LIPA: variants seen among roughly 807,000 people sequenced by gnomAD.
LIPA encodes the protein lysosomal acid lipase/cholesteryl ester hydrolase.
Under a neutral mutation model 40.6 loss-of-function variants are expected in LIPA, and 26 were observed. That is an observed-to-expected ratio of 0.64 (90% CI 0.47 to 0.89). LIPA has a LOEUF of 0.89. Ranked by LOEUF, LIPA falls within the 40% of genes least tolerant of loss-of-function variation. The probability of loss-of-function intolerance (pLI) is 0.00; values close to 1 mark genes in which losing one functional copy is unlikely to be tolerated. For missense variants in LIPA, 455 were observed against 479.6 expected (o/e 0.95, Z 0.48); for synonymous variants, 188 against 168.4 (o/e 1.12, Z -0.90).
chr10:89,280,003 C>T (rs1249634901), intron 1 of LIPA, among the ~76,000 whole-genome samples: 1 of 151,974 alleles, frequency 6.6e-6, no homozygotes, highest in Non-Finnish European at 1.5e-5. Flanking sequence ...CTGAAAATGA[C>T]TTAAATGTCC....
At chr10:89,314,973 T>C (rs1237021456) in intron 1 of LIPA, among the ~76,000 whole-genome samples, 1 of 152,162 alleles carries the variant, frequency 6.6e-6, no homozygotes, top group Non-Finnish European at 1.5e-5. Flanking sequence ...AAAAATCAGC[T>C]CCCTCACAAT....
At chr10:89,328,932 T>C (rs1430392953) in intron 1 of LIPA, among the ~76,000 whole-genome samples, 3 of 152,188 alleles carry the variant, frequency 2.0e-5, no homozygotes, top group Non-Finnish European at 4.4e-5. Flanking sequence ...TGGCTACATA[T>C]GCATAAACAT....
At chr10:89,222,829 C>A (rs968519440) in intron 7 of LIPA, among the ~76,000 whole-genome samples, 56 of 152,278 alleles carry the variant, frequency 3.7e-4, no homozygotes, top group African/African-American at 1.3e-3. Flanking sequence ...GTTTCGTTTA[C>A]AGGGCATTTT....
At chr10:89,255,818 G>A (rs1207593323), upstream of LIPA, among the ~76,000 whole-genome samples, 1 of 152,184 alleles carries the variant, frequency 6.6e-6, no homozygotes, top group Non-Finnish European at 1.5e-5. Flanking sequence ...GTCAACTCAG[G>A]CCATGTCAGG....
At chr10:89,394,603 TATATATATATATATATATATATATAA>T (rs879499044) in intron 2 of LIPA, among the ~76,000 whole-genome samples, 5,520 of 57,472 alleles carry the variant, frequency 0.096, 311 homozygotes, top group East Asian at 0.23. Context: ...TATATATATA[TATATATATATATATATATATATATAA>T]AACTTGAATT....
chr10:89,309,963 G>T (rs138447995), intron 1 of LIPA, among the ~76,000 whole-genome samples: 1 of 152,104 alleles, frequency 6.6e-6, no homozygotes, highest in Non-Finnish European at 1.5e-5. Context: ...TCATGAACCC[G>T]TTTATCAGAG....
At chr10:89,339,117 G>A (rs1843801373) in intron 1 of LIPA, 1 of 1,613,938 alleles carries the variant, frequency 6.2e-7, no homozygotes, top group African/African-American at 1.3e-5. Flanking sequence ...GAAATGAAAG[G>A]GCGAAGGTGT....
At chr10:89,344,072 C>T (rs1420148454), upstream of LIPA, among the ~76,000 whole-genome samples, 1 of 152,158 alleles carries the variant, frequency 6.6e-6, no homozygotes, top group Non-Finnish European at 1.5e-5. Flanking sequence ...GATATTCCTA[C>T]ATAAAACCTG....
intron 2 of LIPA, among the ~76,000 whole-genome samples, chr10:89,400,980 G>T (rs1844413229): frequency 6.6e-6 from 1 of 151,318 alleles, no homozygotes. Context: ...AAAGGGTGTT[G>T]AATTTTGTCA....
At chr10:89,413,346 T>G (rs1564815781) in intron 1 of LIPA, among the ~76,000 whole-genome samples, 1 of 152,158 alleles carries the variant, frequency 6.6e-6, no homozygotes, top group African/African-American at 2.4e-5. Context: ...TTAGAAGTGA[T>G]TGCTTTAAAT....
intron 1 of LIPA, among the ~76,000 whole-genome samples, chr10:89,267,621 C>T (rs549869464): frequency 6.0e-5 from 9 of 149,016 alleles, no homozygotes; most frequent in Middle Eastern, 3.4e-3. Context: ...GGAGATATAC[C>T]TAATGCTAGA....
intron 2 of LIPA, among the ~76,000 whole-genome samples, chr10:89,361,192 T>A (rs1844019697): frequency 6.6e-6 from 1 of 152,270 alleles, no homozygotes; most frequent in Non-Finnish European, 1.5e-5. Flanking sequence ...CAATATGTCA[T>A]AGATAGGACT....
intron 2 of LIPA, among the ~76,000 whole-genome samples, chr10:89,389,084 G>C (rs1844228178): frequency 6.6e-6 from 1 of 152,142 alleles, no homozygotes; most frequent in South Asian, 2.1e-4. Flanking sequence ...TCAGAAAATA[G>C]GCTATAGCTA....
At chr10:89,281,100 A>C (rs1843311978) in intron 1 of LIPA, among the ~76,000 whole-genome samples, 1 of 152,268 alleles carries the variant, frequency 6.6e-6, no homozygotes, top group Admixed American at 6.5e-5. Context: ...TTGTCTGTTA[A>C]GTATTTGCAA....
intron 1 of LIPA, among the ~76,000 whole-genome samples, chr10:89,287,164 T>A (rs1487146722): frequency 6.6e-6 from 1 of 152,244 alleles, no homozygotes; most frequent in Non-Finnish European, 1.5e-5. Flanking sequence ...GCTTAGTGGC[T>A]GAAGACTGAC....
chr10:89,253,264 G>A (rs944810865), upstream of LIPA, among the ~76,000 whole-genome samples: 4 of 152,146 alleles, frequency 2.6e-5, no homozygotes, highest in African/African-American at 9.7e-5. Context: ...ACCCAAGACT[G>A]GGTAATTTAT....
chr10:89,355,013 G>A (rs979442427), intron 2 of LIPA, among the ~76,000 whole-genome samples: 1 of 152,192 alleles, frequency 6.6e-6, no homozygotes, highest in Admixed American at 6.5e-5. Context: ...GTGGATTCAG[G>A]TGGGTCCAGG....
intron 1 of LIPA, among the ~76,000 whole-genome samples, chr10:89,311,564 C>T (rs1347522675): frequency 1.4e-5 from 2 of 147,592 alleles, no homozygotes; most frequent in African/African-American, 2.5e-5. Context: ...CCTACTTGTA[C>T]GTTTTTTGCA....
At chr10:89,402,797 C>T (rs777338890) in intron 2 of LIPA, 2 of 1,614,188 alleles carry the variant, frequency 1.2e-6, no homozygotes, top group Non-Finnish European at 1.7e-6. Context: ...ACCCTGAAAA[C>T]CCTGAATCCA....
Sources: allele counts gnomAD v4.1 joint callset (sites outside exome capture counted in the v4.1 genomes callset), GRCh38; gene constraint gnomAD v4.1.1; transcripts MANE v1.5; gene names NCBI Gene and HGNC (gene_info 2026-07-23, HGNC 2026-07-21).